Variants in APOB observed in about 807,000 individuals in gnomAD.
APOB encodes the protein apolipoprotein B-100.
APOB carries 153 observed loss-of-function variants against 314.1 expected under a neutral mutation model. The observed-to-expected ratio is 0.49, with a 90% CI of 0.43 to 0.56. The LOEUF is 0.56. APOB is among the 20% of genes least tolerant of loss of function. APOB has a pLI of 0.00. For synonymous variants in APOB, 2,087 were observed against 2,036.4 expected, an observed-to-expected ratio of 1.02 and a Z score of -0.67; for missense variants, 5,430 against 5,350.7, an observed-to-expected ratio of 1.01 and a Z score of -0.46.
rs747178150 is a variant in APOB at position 21,011,925 on chromosome 2, C to T, written c.4943G>A (p.Gly1648Asp). Reference sequence around the variant, plus strand: ...TGCACTGGTAGATATTCCATCTTGGCCAATCCTTAGTGTCGCCTTGTGAGC... The same window carrying T: ...TGCACTGGTAGATATTCCATCTTGGTCAATCCTTAGTGTCGCCTTGTGAGC... Reference protein sequence around the residue: ...SGAHKATLRIGQDGISTSATT... With the variant: ...SGAHKATLRIDQDGISTSATT... Residue 1648 changes from glycine to aspartate, a missense_variant, in exon 26 of 29, where the codon GGC becomes GAC. By Grantham distance (94) the Gly-to-Asp change is moderately conservative (BLOSUM62 -1). Transcript: ENST00000233242. 3 of 1,613,990 alleles carry T rather than the reference C, an allele frequency of 1.9e-6. No homozygotes were observed. The highest frequency in any genetic ancestry group is 2.5e-6 in the Non-Finnish European group (3 of 1,180,040).
Position 21,001,714 on chromosome 2 carries a change from G to T in APOB, c.*16C>A, listed in dbSNP as rs956901460. ...CAATTGGAAAAGAAGAATAAATGAA[G>T]ATTTCTTTTAAAAAATTAGAGGATG... is the stretch of plus-strand genomic sequence containing the variant. On this transcript the variant is annotated 3_prime_UTR_variant, in exon 29 of 29. Transcript: ENST00000233242. The T allele has an allele frequency of 6.2e-7, 1 of 1,611,038 alleles. No individual in the cohort carries two copies. Among genetic ancestry groups the T allele is most frequent in the Non-Finnish European group, 8.5e-7 (1 of 1,177,710 alleles).
chr2:21,005,146 A>C lies in APOB; in HGVS notation c.11722T>G (p.Tyr3908Asp). ...GTGGAATCCAGGACTGTTTCAACAT[A>C]ATCTGCTTTGTTTTTCAAACTGGCA... The part of the protein sequence containing the change: ...WSASLKNKAD[Y>D]VETVLDSTCS... The change falls in exon 26 of 29, where the codon TAT becomes GAT. Residue 3908 changes from tyrosine to aspartate, a missense_variant. Transcript: ENST00000233242. 1 of 1,614,056 alleles carries C rather than the reference A, an allele frequency of 6.2e-7. No homozygotes were observed. The highest frequency in any genetic ancestry group is 8.5e-7 in the Non-Finnish European group (1 of 1,179,934).
chr2:21,009,839 C>T lies in APOB; in HGVS notation c.7029G>A (p.Glu2343=), dbSNP rs1663256035. The part of the protein sequence containing the change: ...KINAFRAKVH[E]LIERYEVDQQ... ...GGTCTACTTCATACCTCTCGATTAACTCATGGACTTTGGCTCTGAAGGCAT... is the reference window on the plus strand; with the variant it reads ...GGTCTACTTCATACCTCTCGATTAATTCATGGACTTTGGCTCTGAAGGCAT... Residue 2343 remains glutamate (E), a synonymous_variant, in exon 26 of 29, where the codon GAG becomes GAA. Transcript: ENST00000233242. 2.5e-6 allele frequency: 4 copies of T among 1,614,046 alleles called. No homozygotes were observed. Among genetic ancestry groups the T allele is most frequent in the Non-Finnish European group, 3.4e-6 (4 of 1,179,970 alleles).
rs886055583 is a variant in APOB, at chr2:21,008,884, T to G, written c.7984A>C (p.Thr2662Pro). Reference sequence around the variant, plus strand: ...ACTTTCATTTCTACAAAGTCAATTGTAAAGGAAGGAATGTGGAAGGTGTTA... The same window carrying G: ...ACTTTCATTTCTACAAAGTCAATTGGAAAGGAAGGAATGTGGAAGGTGTTA... Reference protein sequence around the residue: ...ILNTFHIPSFTIDFVEMKVKI... With the variant: ...ILNTFHIPSFPIDFVEMKVKI... Residue 2662 changes from threonine (T) to proline (P), a missense_variant, in exon 26 of 29, where the codon ACA becomes CCA. Physicochemically the swap from Thr to Pro is conservative, Grantham distance 38 (BLOSUM62 -1). Transcript: ENST00000233242. The G allele has an allele frequency of 6.2e-7, 1 of 1,613,894 alleles. No homozygotes were observed. Among genetic ancestry groups the G allele is most frequent in the Non-Finnish European group, 8.5e-7 (1 of 1,179,930 alleles).
chr2:21,010,081 G>T lies in APOB; in HGVS notation c.6787C>A (p.Gln2263Lys). ...DTKYQIRIQI[Q>K]EKLQQLKRHI... The stretch of plus-strand genomic sequence containing the variant: ...CTCTTAAGCTGCTGCAGTTTTTCTT[G>T]TATCTGGATTCTGATTTGGTACTTA... Residue 2263 changes from glutamine (Q) to lysine (K), a missense_variant, in exon 26 of 29, where the codon CAA (glutamine) becomes AAA (lysine). By Grantham distance (53) the Gln-to-Lys change is moderately conservative. This residue lies in a region of APOB where 3,281 missense variants were observed against 3,171.0 expected (regional missense o/e 1.03). Coordinates refer to ENST00000233242, the MANE Select transcript of APOB (RefSeq NM_000384.3). The T allele has an allele frequency of 6.2e-7, 1 of 1,613,264 alleles. No homozygotes were observed. Among genetic ancestry groups the T allele is most frequent in the South Asian group, 1.1e-5 (1 of 91,056 alleles).
At position 21,018,339 on chromosome 2, in the gene APOB, G is replaced by A. The variant is rs147720589; in HGVS notation, c.3121+653C>T. ...TCATGAGGACTCCCCAATGGCTTTC[G>A]TTTAATTCATAGAAAAAGCCAAAGT... On this transcript the variant is annotated intron_variant, in intron 20 of 28. Transcript: ENST00000233242. Among the ~76,000 whole-genome samples, 290 of 152,174 alleles carry A rather than the reference G, an allele frequency of 1.9e-3. 1 individual carries two copies. Among genetic ancestry groups the A allele is most frequent in the African/African-American group, 6.7e-3 (279 of 41,512 alleles).
chr2:21,005,135 T>C lies in APOB; in HGVS notation c.11733A>G (p.Thr3911=). 6.2e-7 allele frequency: 1 copy of C among 1,614,066 alleles called. No individual in the cohort carries two copies. The highest frequency in any genetic ancestry group is 1.1e-5 in the South Asian group (1 of 91,088). Residue 3911 remains threonine (T), a synonymous_variant, in exon 26 of 29, where the codon ACA becomes ACG. Coordinates refer to ENST00000233242, the MANE Select transcript of APOB (RefSeq NM_000384.3). ...TTGAGCTGCATGTGGAATCCAGGAC[T>C]GTTTCAACATAATCTGCTTTGTTTT... is the stretch of plus-strand genomic sequence containing the variant. ...SLKNKADYVE[T]VLDSTCSSTV...
intron 10 of APOB, among the ~76,000 whole-genome samples, chr2:21,030,759 C>T (rs1663857881): frequency 6.6e-6 from 1 of 151,848 alleles, no homozygotes; most frequent in South Asian, 2.1e-4. Context: ...CAAAAAAATC[C>T]CCCAAATAAT....
Position 21,014,353 on chromosome 2 carries a change from C to T in APOB, c.3842+95G>A, listed in dbSNP as rs1663412107. ...TCTCCTTAAAATGCTTAAATTATTT[C>T]CTTTAAAAATTTAAAAAAATGTCTA... On this transcript the variant is annotated intron_variant, in intron 24 of 28. Coordinates refer to ENST00000233242, the MANE Select transcript of APOB (RefSeq NM_000384.3). 5 of 1,448,730 alleles carry T rather than the reference C, an allele frequency of 3.5e-6. No individual in the cohort carries two copies. The East Asian group carries it at 1.2e-4, about 34-fold the overall frequency. The allele number at this position is 1,448,730 out of a possible 1,614,324, so 89.7% of individuals were successfully genotyped here. A position where few individuals can be genotyped will look rare whatever the true frequency, so the allele number is the denominator to read the frequency against.
intron 3 of APOB, 122 bp from the exon 4 acceptor site, chr2:21,041,205 C>T: frequency 9.8e-7 from 1 of 1,022,584 alleles, no homozygotes; most frequent in Non-Finnish European, 1.5e-6. Flanking sequence ...ACACCACTGC[C>T]TGCGCCTCAA....
rs1353000396 is a variant in APOB, at chr2:21,001,822, AT to A, written c.13599del (p.Tyr4534ThrfsTer6). 6.2e-7 allele frequency: 1 copy of A among 1,613,968 alleles called. No individual in the cohort carries two copies. The highest frequency in any genetic ancestry group is 1.3e-5 in the African/African-American group (1 of 74,918). Reference protein sequence around the residue: ...LSIQNYHTFLIYITELLKKLQ... With the variant: ...LSIQNYHTFLXYITELLKKLQ... Reference sequence around the variant, plus strand: ...AGCTTTTTCAGTAACTCCGTGATGTATATCAGAAATGTGTGGTAGTTTTGAA... The same window carrying A: ...AGCTTTTTCAGTAACTCCGTGATGTAATCAGAAATGTGTGGTAGTTTTGAA... On this transcript the variant is annotated frameshift_variant, in exon 29 of 29. Transcript: ENST00000233242. LOFTEE classifies it low-confidence loss of function (END_TRUNC).
chr2:21,016,807 A>G (rs1270024657), intron 20 of APOB, among the ~76,000 whole-genome samples, 158 bp from the exon 21 acceptor site: 2 of 151,680 alleles, frequency 1.3e-5, no homozygotes, highest in Non-Finnish European at 2.9e-5. Context: ...ACATGGTGAA[A>G]CCCCGTCTCT....
chr2:21,025,023 C>G lies in APOB; in HGVS notation c.2346G>C (p.Glu782Asp), dbSNP rs770250347. Reference protein sequence around the residue: ...EARAYLRILGEELGFASLHDL... With the variant: ...EARAYLRILGDELGFASLHDL... ...CATGGAGACTGGCAAAACCAAGCTC[C>G]TCTCCCAAGATGCGGAGGTAGGCTC... The change falls in exon 16 of 29, where the codon GAG becomes GAC. Residue 782 changes from glutamate (E) to aspartate (D), a missense_variant. Physicochemically the swap from Glu to Asp is conservative, Grantham distance 45. This residue lies in a region of APOB where 2,085 missense variants were observed against 2,079.7 expected (regional missense o/e 1.00). Transcript: ENST00000233242. 27 of 1,614,254 alleles carry G rather than the reference C, an allele frequency of 1.7e-5. No individual in the cohort carries two copies. In the South Asian group the frequency reaches 2.7e-4, roughly 16 times the overall value.
In APOB at chr2:21,016,492, G is replaced by C. The variant is rs72653075; in HGVS notation, c.3279C>G (p.Thr1093=). The change falls in exon 21 of 29, where the codon ACC becomes ACG. Residue 1093 remains threonine (T), a synonymous_variant. Transcript: ENST00000233242. ...STEGKTSYRL[T]LDIQNKKITE... The stretch of plus-strand genomic sequence containing the variant: ...TAATTTTCTTGTTCTGAATGTCCAG[G>C]GTGAGTCTGTAAGACGTTTTGCCCT... The C allele has an allele frequency of 2.6e-4, 412 of 1,611,818 alleles. No individual in the cohort carries two copies. The African/African-American group carries it at 5.1e-3, about 20-fold the overall frequency.
rs767547869 is a variant in APOB, at chr2:21,011,151, G to C, written c.5717C>G (p.Thr1906Ser). The C allele has an allele frequency of 6.2e-7, 1 of 1,614,158 alleles. No individual in the cohort carries two copies. The highest frequency in any genetic ancestry group is 1.7e-5 in the Admixed American group (1 of 60,030). The change falls in exon 26 of 29, where the codon ACC becomes AGC. Residue 1906 changes from threonine to serine, a missense_variant. Coordinates refer to ENST00000233242, the MANE Select transcript of APOB (RefSeq NM_000384.3). ...ATTGCCATTTGTATGTGCATCGATGGTCATGGTAAACGGGGCCATTACAGA... is the reference window on the plus strand; with the variant it reads ...ATTGCCATTTGTATGTGCATCGATGCTCATGGTAAACGGGGCCATTACAGA... ...FRSVMAPFTMTIDAHTNGNGK... is the reference protein window; with the variant it reads ...FRSVMAPFTMSIDAHTNGNGK...
In APOB at chr2:21,009,802, C is replaced by T; in HGVS notation, c.7066G>A (p.Val2356Ile). Residue 2356 changes from valine to isoleucine, a missense_variant, in exon 26 of 29, where the codon GTT (valine) becomes ATT (isoleucine). This residue lies in a region of APOB where 3,281 missense variants were observed against 3,171.0 expected (regional missense o/e 1.03). Transcript: ENST00000233242. Reference protein sequence around the residue: ...ERYEVDQQIQVLMDKLVELAH... With the variant: ...ERYEVDQQIQILMDKLVELAH... Reference sequence around the variant, plus strand: ...AACTCTACTAATTTATCCATTAAAACCTGGATTTGTTGGTCTACTTCATAC... The same window carrying T: ...AACTCTACTAATTTATCCATTAAAATCTGGATTTGTTGGTCTACTTCATAC... 1 of 1,614,042 alleles carries T rather than the reference C, an allele frequency of 6.2e-7. No homozygotes were observed. The highest frequency in any genetic ancestry group is 8.5e-7 in the Non-Finnish European group (1 of 1,179,980).
Position 21,009,529 on chromosome 2 carries a change from T to A in APOB, c.7339A>T (p.Thr2447Ser), listed in dbSNP as rs1016232818. Residue 2447 changes from threonine to serine, a missense_variant, in exon 26 of 29, where the codon ACT (threonine) becomes TCT (serine). By Grantham distance (58) the Thr-to-Ser change is moderately conservative. This residue lies in a region of APOB where 3,281 missense variants were observed against 3,171.0 expected (regional missense o/e 1.03). Coordinates refer to ENST00000233242, the MANE Select transcript of APOB (RefSeq NM_000384.3). ...DETNDKIREV[T>S]QRLNGEIQAL... Reference sequence around the variant, plus strand: ...TGAATTTCACCATTGAGTCTCTGAGTCACCTCACGGATTTTGTCATTGGTT... The same window carrying A: ...TGAATTTCACCATTGAGTCTCTGAGACACCTCACGGATTTTGTCATTGGTT... 4 of 1,614,004 alleles carry A rather than the reference T, an allele frequency of 2.5e-6. No homozygotes were observed. Among genetic ancestry groups the A allele is most frequent in the Non-Finnish European group, 2.5e-6 (3 of 1,179,988 alleles).
Position 21,014,445 on chromosome 2 carries a change from T to C in APOB, c.3842+3A>G. 6.2e-7 allele frequency: 1 copy of C among 1,614,158 alleles called. No individual in the cohort carries two copies. Among genetic ancestry groups the C allele is most frequent in the Non-Finnish European group, 8.5e-7 (1 of 1,179,982 alleles). The stretch of plus-strand genomic sequence containing the variant: ...AAGAAGCCTTGCTGCTTTCTTCTTT[T>C]ACCTTTTTAAGAAGAGGTTTTCTGG... On this transcript the variant is annotated splice_donor_region_variant and intron_variant, in intron 24 of 28. Transcript: ENST00000233242.
chr2:21,010,317 T>C lies in APOB; in HGVS notation c.6551A>G (p.Tyr2184Cys), dbSNP rs184512808. ...ATGTAAATCATAACTATCTTTAATATACTGATCAAATTGTATCATATATGT... is the reference window on the plus strand; with the variant it reads ...ATGTAAATCATAACTATCTTTAATACACTGATCAAATTGTATCATATATGT... ...LQTYMIQFDQYIKDSYDLHDL... is the reference protein window; with the variant it reads ...LQTYMIQFDQCIKDSYDLHDL... Residue 2184 changes from tyrosine (Y) to cysteine (C), a missense_variant, in exon 26 of 29, where the codon TAT becomes TGT. Physicochemically the swap from Tyr to Cys is radical, Grantham distance 194. Around this residue, in one of 3 missense-constraint regions of APOB, gnomAD observed 3,281 missense variants for 3,171.0 expected, o/e 1.03. Coordinates refer to ENST00000233242, the MANE Select transcript of APOB (RefSeq NM_000384.3). 2.3e-5 allele frequency: 36 copies of C among 1,555,678 alleles called. No homozygotes were observed. In the East Asian group the frequency reaches 7.5e-4, roughly 32 times the overall value.
Sources: allele counts gnomAD v4.1 joint callset (sites outside exome capture counted in the v4.1 genomes callset), GRCh38; gene constraint gnomAD v4.1.1; regional missense constraint gnomAD v4.1.1; transcripts MANE v1.5; gene names NCBI Gene and HGNC (gene_info 2026-07-23, HGNC 2026-07-21).